NKD2: variants seen among roughly 807,000 people sequenced by gnomAD.
NKD2 encodes NKD inhibitor of Wnt signaling pathway 2.
In NKD2, 43 loss-of-function variants were observed where a neutral mutation model predicts 34.8. That is an observed-to-expected ratio of 1.24 (90% CI 0.97 to 1.60). The LOEUF is 1.60. Ranked by LOEUF, NKD2 falls within the 40% of genes most tolerant of loss-of-function variation. NKD2 has a pLI of 0.00. For missense variants in NKD2, 675 were observed against 627.1 expected, an observed-to-expected ratio of 1.08 and a Z score of -0.82; for synonymous variants, 278 against 265.1, an observed-to-expected ratio of 1.05 and a Z score of -0.47.
chr5:1,034,915 C>A lies in NKD2; in HGVS notation c.574+12C>A. The A allele has an allele frequency of 6.2e-7, 1 of 1,601,034 alleles. No homozygotes were observed. The highest frequency in any genetic ancestry group is 8.5e-7 in the Non-Finnish European group (1 of 1,173,656). On this transcript the variant is annotated intron_variant, in intron 7 of 9. Coordinates refer to ENST00000296849, the MANE Select transcript of NKD2 (RefSeq NM_033120.4). ...TCCTGCTGGCCAGGGTGAGTGAGGC[C>A]TGGGCACACACAGAGGACCCTACCC...
chr5:1,015,134 A>T (rs1052111830), intron 3 of NKD2, among the ~76,000 whole-genome samples: 56 of 152,330 alleles, frequency 3.7e-4, no homozygotes, highest in Admixed American at 3.3e-3. Context: ...TTTTGCCCCA[A>T]GTGCCGGGGT....
At chr5:1,015,677 G>A (rs1755921352) in intron 3 of NKD2, among the ~76,000 whole-genome samples, 1 of 152,326 alleles carries the variant, frequency 6.6e-6, no homozygotes, top group South Asian at 2.1e-4. Flanking sequence ...ATTTAGAGGC[G>A]GTCCTGCCCG....
intron 3 of NKD2, among the ~76,000 whole-genome samples, chr5:1,012,884 G>A (rs548421789): frequency 3.9e-5 from 6 of 152,356 alleles, no homozygotes; most frequent in African/African-American, 1.4e-4. Context: ...TTGGTCAGTG[G>A]GAGCAGTTTC....
At chr5:1,031,718 T>C (rs1308773408) in intron 3 of NKD2, among the ~76,000 whole-genome samples, 1 of 152,292 alleles carries the variant, frequency 6.6e-6, no homozygotes, top group Non-Finnish European at 1.5e-5. Flanking sequence ...AAGAGGCATG[T>C]TGGGGTCCTG....
At position 1,033,456 on chromosome 5, in the gene NKD2, G is replaced by A. The variant is rs535421197; in HGVS notation, c.287G>A (p.Arg96His). ...GATGACGGAGAGAGGGCAGCAAACC[G>A]CGAGGGCCCGCGAGGACCGGGCGGG... Reference protein sequence around the residue: ...SADDGERAANREGPRGPGGQR... With the variant: ...SADDGERAANHEGPRGPGGQR... The change falls in exon 5 of 10, where the codon CGC becomes CAC. Residue 96 changes from arginine to histidine, a missense_variant. Transcript: ENST00000296849. The A allele has an allele frequency of 7.4e-5, 116 of 1,557,958 alleles. No individual in the cohort carries two copies. Among genetic ancestry groups the A allele is most frequent in the Non-Finnish European group, 9.6e-5 (111 of 1,151,472 alleles).
rs774075061 is a variant in NKD2 at position 1,009,175 on chromosome 5, G to T, written c.26-4G>T. On this transcript the variant is annotated splice_region_variant and splice_polypyrimidine_tract_variant and intron_variant, in intron 1 of 9. Transcript: ENST00000296849. The surrounding 1 kb of genome is among the most constrained non-coding windows in gnomAD (Gnocchi z 6.9). Reference sequence around the variant, plus strand: ...TCCTCTCCCCGCGTCCCGCCGTGCCGCAGCCGCCGCCGCCCGCAAGCGGAG... The same window carrying T: ...TCCTCTCCCCGCGTCCCGCCGTGCCTCAGCCGCCGCCGCCCGCAAGCGGAG... The T allele has an allele frequency of 3.6e-6, 2 of 561,338 alleles. No individual in the cohort carries two copies. Among genetic ancestry groups the T allele is most frequent in the South Asian group, 2.1e-5 (1 of 47,800 alleles). 34.8% of individuals were successfully genotyped at this position (561,338 alleles called of 1,614,324 possible). A position where few individuals can be genotyped will look rare whatever the true frequency, so the allele number is the denominator to read the frequency against.
Position 1,037,864 on chromosome 5 carries a change from C to G in NKD2, c.847C>G (p.Arg283Gly). The G allele has an allele frequency of 1.9e-6, 3 of 1,601,096 alleles. No homozygotes were observed. Among genetic ancestry groups the G allele is most frequent in the Non-Finnish European group, 2.5e-6 (3 of 1,177,442 alleles). The change falls in exon 10 of 10, where the codon CGG becomes GGG. Residue 283 changes from arginine to glycine, a missense_variant. Arg to Gly is a moderately radical substitution (Grantham distance 125). Transcript: ENST00000296849. The stretch of plus-strand genomic sequence containing the variant: ...GGGCAGGGCCTCGCACCTCCAGGCC[C>G]GGTCCCGCTCCCAGGAGCCAGATAC... ...PQGRASHLQA[R>G]SRSQEPDTHA...
At chr5:1,035,615 T>G in intron 8 of NKD2, 142 bp downstream of exon 8, 3 of 658,068 alleles carry the variant, frequency 4.6e-6, no homozygotes, top group Non-Finnish European at 8.0e-6. Context: ...CCAGCAGCTC[T>G]GTGGGGCATG....
intron 4 of NKD2, among the ~76,000 whole-genome samples, chr5:1,032,519 G>A (rs1453800224): frequency 6.6e-6 from 1 of 152,248 alleles, no homozygotes; most frequent in Non-Finnish European, 1.5e-5. Context: ...CTGTATAAAG[G>A]GGACCTGTGA....
At chr5:1,018,014 G>T (rs919215824) in intron 3 of NKD2, among the ~76,000 whole-genome samples, 2 of 152,050 alleles carry the variant, frequency 1.3e-5, no homozygotes, top group African/African-American at 2.4e-5. Flanking sequence ...CATGGAGGAA[G>T]CGTGGCCCCC....
In NKD2 at chr5:1,038,394, C is replaced by T. The variant is rs747904708; in HGVS notation, c.*21C>T. On this transcript the variant is annotated 3_prime_UTR_variant, in exon 10 of 10. Transcript: ENST00000296849. This position sits in a 1 kb window ranked among gnomAD's most constrained non-coding sequence, Gnocchi z 4.5. ...CCTAGCGCCACTGCCAAGCACACCTCGCTCCCAGCACACCACAGCCCGCGA... is the reference window on the plus strand; with the variant it reads ...CCTAGCGCCACTGCCAAGCACACCTTGCTCCCAGCACACCACAGCCCGCGA... The T allele has an allele frequency of 8.7e-5, 134 of 1,535,754 alleles. No individual in the cohort carries two copies. The highest frequency in any genetic ancestry group is 5.9e-4 in the East Asian group (24 of 40,900).
intron 4 of NKD2, among the ~76,000 whole-genome samples, 173 bp downstream of exon 4, chr5:1,032,385 G>A (rs545780672): frequency 2.0e-4 from 30 of 152,226 alleles, no homozygotes; most frequent in Non-Finnish European, 3.1e-4. Flanking sequence ...CAGGGTCCTC[G>A]CTGGACTGGC....
In NKD2 at chr5:1,034,784, A is replaced by G. The variant is rs1733762323; in HGVS notation, c.455A>G (p.Tyr152Cys). 3 of 1,612,810 alleles carry G rather than the reference A, an allele frequency of 1.9e-6. No individual in the cohort carries two copies. Among genetic ancestry groups the G allele is most frequent in the East Asian group, 2.2e-5 (1 of 44,884 alleles). The change falls in exon 7 of 10, where the codon TAT becomes TGT. Residue 152 changes from tyrosine to cysteine, a missense_variant. Tyr to Cys is a radical substitution (Grantham distance 194, BLOSUM62 -2). Coordinates refer to ENST00000296849, the MANE Select transcript of NKD2 (RefSeq NM_033120.4). ...ATGTCCAGCCTCATGCACACCATCT[A>G]TGAGGTCGTGGATGCCTCGGTCAAC... is the stretch of plus-strand genomic sequence containing the variant. ...EDMSSLMHTI[Y>C]EVVDASVNHS...
At chr5:1,032,238 C>T (rs1037141001) in intron 4 of NKD2, 26 bp downstream of exon 4, 26 of 1,577,078 alleles carry the variant, frequency 1.6e-5, no homozygotes, top group Admixed American at 5.1e-5. Flanking sequence ...GCAGCCCTCC[C>T]TCCCCAAACT....
intron 5 of NKD2, 43 bp from the exon 6 acceptor site, chr5:1,034,192 C>T (rs758681387): frequency 9.1e-6 from 13 of 1,424,214 alleles, no homozygotes; most frequent in African/African-American, 4.2e-5. Flanking sequence ...GGCGTGTTGG[C>T]GTGGGTAGGA....
At position 1,009,046 on chromosome 5, in the gene NKD2, G is replaced by A. The variant is rs1484012534; in HGVS notation, c.-12G>A. Reference sequence around the variant, plus strand: ...ACCTGAGCGCGGGGCCCGGCGGGGCGTGGCGGCGGCGATGGGGAAACTGCA... The same window carrying A: ...ACCTGAGCGCGGGGCCCGGCGGGGCATGGCGGCGGCGATGGGGAAACTGCA... On this transcript the variant is annotated 5_prime_UTR_variant, in exon 1 of 10. In the 5' UTR this introduces an upstream ATG that the reference lacks. Coordinates refer to ENST00000296849, the MANE Select transcript of NKD2 (RefSeq NM_033120.4). The surrounding 1 kb of genome is among the most constrained non-coding windows in gnomAD (Gnocchi z 6.9). 3 of 444,776 alleles carry A rather than the reference G, an allele frequency of 6.7e-6. No individual in the cohort carries two copies. Among genetic ancestry groups the A allele is most frequent in the South Asian group, 4.6e-5 (1 of 21,978 alleles). 27.6% of individuals were successfully genotyped at this position (444,776 alleles called of 1,614,324 possible).
rs527739522 is a variant in NKD2, at chr5:1,011,894, C to T, written c.141+2334C>T. Among the ~76,000 whole-genome samples the T allele has an allele frequency of 4.3e-4, 65 of 152,350 alleles. 1 individual carries two copies. The South Asian group carries it at 9.5e-3, about 22-fold the overall frequency. On this transcript the variant is annotated intron_variant, in intron 3 of 9. Transcript: ENST00000296849. ...CACTTTGCTTTTGGCGGGACCCGCA[C>T]GGCTTCATCACCGAGTGTCCCTGAA...
chr5:1,038,374 C>T lies in NKD2; in HGVS notation c.*1C>T, dbSNP rs536787443. 267 of 1,535,870 alleles carry T rather than the reference C, an allele frequency of 1.7e-4. No homozygotes were observed. The African/African-American group carries it at 3.0e-3, about 18-fold the overall frequency. On this transcript the variant is annotated 3_prime_UTR_variant, in exon 10 of 10. Coordinates refer to ENST00000296849, the MANE Select transcript of NKD2 (RefSeq NM_033120.4). The surrounding 1 kb of genome is among the most constrained non-coding windows in gnomAD (Gnocchi z 4.5). ...CCACCACCACTTCCACCCGTCCTAG[C>T]GCCACTGCCAAGCACACCTCGCTCC...
chr5:1,022,135 C>G (rs934301474), intron 3 of NKD2, among the ~76,000 whole-genome samples: 1 of 151,850 alleles, frequency 6.6e-6, no homozygotes, highest in Non-Finnish European at 1.5e-5. Flanking sequence ...CACCAGTAGC[C>G]AGTGGCGCTG....
Sources: allele counts gnomAD v4.1 joint callset (sites outside exome capture counted in the v4.1 genomes callset), GRCh38; gene constraint gnomAD v4.1.1; non-coding constraint Gnocchi (gnomAD v3.1); transcripts MANE v1.5; gene names NCBI Gene and HGNC (gene_info 2026-07-23, HGNC 2026-07-21).